Variants in EMP2 observed in about 807,000 individuals in gnomAD.
The protein encoded by EMP2 is epithelial membrane protein 2.
In EMP2, 19 loss-of-function variants were observed where a neutral mutation model predicts 13.7. The observed-to-expected ratio is 1.38, with a 90% confidence interval of 0.97 to 2.03. EMP2 has a LOEUF of 2.03. Ranked by LOEUF, EMP2 falls within the 30% of genes most tolerant of loss-of-function variation. The pLI is 0.00. For missense variants in EMP2, 253 were observed against 220.7 expected, an observed-to-expected ratio of 1.15 and a Z score of -0.93; for synonymous variants, 97 against 84.7, an observed-to-expected ratio of 1.15 and a Z score of -0.80.
chr16:10,530,831 G>C lies in EMP2; in HGVS notation c.*2074C>G, dbSNP rs2050593765. 1 of 152,162 alleles carries C rather than the reference G, an allele frequency of 6.6e-6. No homozygotes were observed. The highest frequency in any genetic ancestry group is 2.4e-5 in the African/African-American group (1 of 41,418). 9.4% of individuals were successfully genotyped at this position (152,162 alleles called of 1,614,324 possible). A position where few individuals can be genotyped will look rare whatever the true frequency, so the allele number is the denominator to read the frequency against. On this transcript the variant is annotated 3_prime_UTR_variant, in exon 5 of 5. Transcript: ENST00000359543. ...AGACATGTTTTCTGGGTGTTACACAGACAGGTACTGCCCAATAACTGTCAT... is the reference window on the plus strand; with the variant it reads ...AGACATGTTTTCTGGGTGTTACACACACAGGTACTGCCCAATAACTGTCAT...
At chr16:10,535,459 G>A (rs926409204) in intron 4 of EMP2, among the ~76,000 whole-genome samples, 3 of 152,152 alleles carry the variant, frequency 2.0e-5, no homozygotes, top group Non-Finnish European at 2.9e-5. Flanking sequence ...CAGAAGCTGG[G>A]TGCGGTGGCT....
At chr16:10,547,980 G>A (rs2050752601) in intron 1 of EMP2, among the ~76,000 whole-genome samples, 1 of 152,188 alleles carries the variant, frequency 6.6e-6, no homozygotes, top group Non-Finnish European at 1.5e-5. Flanking sequence ...GACGCAGTGA[G>A]CCATAATTGC....
At chr16:10,543,449 G>A in intron 3 of EMP2, 121 bp downstream of exon 3, 1 of 1,135,680 alleles carries the variant, frequency 8.8e-7, no homozygotes, top group Non-Finnish European at 1.3e-6. Flanking sequence ...ACGCGGCCAG[G>A]CCCACCGGAG....
intron 1 of EMP2, among the ~76,000 whole-genome samples, chr16:10,574,575 T>C (rs1491001967): frequency 2.0e-5 from 3 of 152,170 alleles, no homozygotes; most frequent in African/African-American, 7.2e-5. Flanking sequence ...ATTTTTTTTT[T>C]TGAGATGGAG....
At chr16:10,572,573 A>G (rs534965537) in intron 1 of EMP2, among the ~76,000 whole-genome samples, 10 of 152,330 alleles carry the variant, frequency 6.6e-5, no homozygotes, top group South Asian at 4.1e-4. Flanking sequence ...TAAGCGGCCA[A>G]TAAATATTAG....
chr16:10,563,034 C>T (rs752360746), intron 1 of EMP2, among the ~76,000 whole-genome samples: 21 of 152,102 alleles, frequency 1.4e-4, no homozygotes, highest in Admixed American at 4.6e-4. Flanking sequence ...TTACGTTGCT[C>T]GGGGTGAGGC....
intron 1 of EMP2, among the ~76,000 whole-genome samples, chr16:10,564,236 A>C (rs1448485451): frequency 1.3e-5 from 2 of 152,166 alleles, no homozygotes; most frequent in Non-Finnish European, 2.9e-5. Context: ...CACGCCTGTA[A>C]TCCCAACATT....
intron 2 of EMP2, chr16:10,546,551 G>A (rs971440641): frequency 2.6e-5 from 4 of 152,192 alleles, no homozygotes; most frequent in African/African-American, 9.7e-5. Context: ...ATGGCCGGGT[G>A]GGCTAGCAAC....
At chr16:10,548,626 G>A (rs1040154798) in intron 1 of EMP2, among the ~76,000 whole-genome samples, 1 of 152,020 alleles carries the variant, frequency 6.6e-6, no homozygotes, top group African/African-American at 2.4e-5. Context: ...CCCAGGAGGT[G>A]GAGGCTGCAA....
chr16:10,535,654 G>A (rs552375949), intron 4 of EMP2, among the ~76,000 whole-genome samples: 134 of 152,252 alleles, frequency 8.8e-4, no homozygotes, highest in African/African-American at 3.0e-3. Flanking sequence ...AGGCTGCAGT[G>A]AGCCATGATC....
At chr16:10,567,479 A>G (rs2050914735) in intron 1 of EMP2, among the ~76,000 whole-genome samples, 1 of 152,138 alleles carries the variant, frequency 6.6e-6, no homozygotes, top group Admixed American at 6.5e-5. Context: ...CACAATGAGG[A>G]TGCTTGGGGC....
chr16:10,572,798 T>C (rs926386999), intron 1 of EMP2, among the ~76,000 whole-genome samples: 19 of 152,178 alleles, frequency 1.2e-4, no homozygotes, highest in Non-Finnish European at 1.0e-4. Context: ...GTCTTCAGAA[T>C]GCACCTGTCA....
At position 10,529,155 on chromosome 16, in the gene EMP2, G is replaced by C. The variant is rs577900708; in HGVS notation, c.*3750C>G. On this transcript the variant is annotated 3_prime_UTR_variant, in exon 5 of 5. Transcript: ENST00000359543. ...TCCATCACATAGCCCCTCAATGAAA[G>C]AATTACAGTACTTTATAAAAATGTC... 1 of 152,118 alleles carries C rather than the reference G, an allele frequency of 6.6e-6. No homozygotes were observed. The highest frequency in any genetic ancestry group is 2.4e-5 in the African/African-American group (1 of 41,416). 9.4% of individuals were successfully genotyped at this position (152,118 alleles called of 1,614,324 possible).
At chr16:10,534,252 C>T (rs1460455984) in intron 4 of EMP2, among the ~76,000 whole-genome samples, 1 of 152,068 alleles carries the variant, frequency 6.6e-6, no homozygotes. Context: ...TTGCAGCAAA[C>T]TTTTTGGAGC....
At chr16:10,541,543 C>T (rs2050698945) in intron 3 of EMP2, among the ~76,000 whole-genome samples, 4 of 152,154 alleles carry the variant, frequency 2.6e-5, no homozygotes, top group Admixed American at 2.6e-4. Context: ...AGTGAATAAT[C>T]CCATGTGGAG....
chr16:10,559,980 G>GT (rs2050860363), intron 1 of EMP2, among the ~76,000 whole-genome samples: 1 of 152,114 alleles, frequency 6.6e-6, no homozygotes, highest in African/African-American at 2.4e-5. Flanking sequence ...CAGCAGCCTT[G>GT]TTTTACAGGT....
At chr16:10,533,786 C>T (rs907554984) in intron 4 of EMP2, among the ~76,000 whole-genome samples, 1 of 152,006 alleles carries the variant, frequency 6.6e-6, no homozygotes, top group South Asian at 2.1e-4. Context: ...AGTATGTATC[C>T]CAGTTCTGAC....
chr16:10,579,400 C>G (rs911877876), intron 1 of EMP2, among the ~76,000 whole-genome samples: 6 of 152,106 alleles, frequency 3.9e-5, no homozygotes, highest in African/African-American at 1.4e-4. Context: ...TCATAATCAT[C>G]ATTTTAACCG....
At chr16:10,577,979 C>A (rs569722300) in intron 1 of EMP2, 27 of 143,532 alleles carry the variant, frequency 1.9e-4, no homozygotes, top group Admixed American at 8.3e-4. Context: ...TCTGACCCCC[C>A]CCTCCCGGCA....
Sources: allele counts gnomAD v4.1 joint callset (sites outside exome capture counted in the v4.1 genomes callset), GRCh38; gene constraint gnomAD v4.1.1; transcripts MANE v1.5; gene names NCBI Gene and HGNC (gene_info 2026-07-23, HGNC 2026-07-21).